ARHGEF7: variants seen among roughly 807,000 people sequenced by gnomAD.
ARHGEF7 encodes the protein PAK-interacting exchange factor beta.
ARHGEF7 carries 33 observed loss-of-function variants against 109.8 expected under a neutral mutation model. The observed-to-expected ratio is 0.30, with a 90% confidence interval of 0.23 to 0.40. ARHGEF7 has a LOEUF of 0.40. ARHGEF7 is among the 10% of genes least tolerant of loss of function. The probability of loss-of-function intolerance (pLI) is 1.00; values close to 1 mark genes in which losing one functional copy is unlikely to be tolerated. For missense variants in ARHGEF7, 938 were observed against 1,098.5 expected, an observed-to-expected ratio of 0.85 and a Z score of 2.07; for synonymous variants, 458 against 424.6, an observed-to-expected ratio of 1.08 and a Z score of -0.97.
intron 8 of ARHGEF7, among the ~76,000 whole-genome samples, chr13:111,245,132 C>T (rs2088575423): frequency 6.6e-6 from 1 of 152,156 alleles, no homozygotes; most frequent in Non-Finnish European, 1.5e-5. Flanking sequence ...CCAATGCCGG[C>T]TGCAGGCATT....
At chr13:111,231,772 C>T (rs887174050) in intron 5 of ARHGEF7, among the ~76,000 whole-genome samples, 6 of 152,144 alleles carry the variant, frequency 3.9e-5, no homozygotes, top group Non-Finnish European at 7.3e-5. Context: ...GCAGGTGCTG[C>T]TCACACACCA....
At chr13:111,234,032 C>T (rs2086454405) in intron 6 of ARHGEF7, among the ~76,000 whole-genome samples, 1 of 152,048 alleles carries the variant, frequency 6.6e-6, no homozygotes, top group Non-Finnish European at 1.5e-5. Context: ...AAAGTAAACC[C>T]TCTAAACATG....
intron 19 of ARHGEF7, chr13:111,292,528 A>T: frequency 7.1e-7 from 1 of 1,415,932 alleles, no homozygotes; most frequent in Non-Finnish European, 9.2e-7. Context: ...TATTGGAGGG[A>T]GGTGGTGTGT....
Position 111,205,382 on chromosome 13 carries a change from CT to C in ARHGEF7, c.337+15del. 6.4e-7 allele frequency: 1 copy of C among 1,573,114 alleles called. No homozygotes were observed. The highest frequency in any genetic ancestry group is 1.2e-5 in the South Asian group (1 of 84,372). On this transcript the variant is annotated intron_variant, in intron 3 of 21. Transcript: ENST00000646102. ...AAATAAAGTAACAGCAGGTAAGACT[CT>C]TTTTTATTGAACTCGAGGGGGTGGG...
At chr13:111,260,235 G>T (rs1463822211) in intron 8 of ARHGEF7, among the ~76,000 whole-genome samples, 1 of 152,146 alleles carries the variant, frequency 6.6e-6, no homozygotes, top group Non-Finnish European at 1.5e-5. Context: ...AGAGAGAAAG[G>T]TATCAATATT....
At chr13:111,187,756 C>G (rs1163147830) in intron 2 of ARHGEF7, among the ~76,000 whole-genome samples, 1 of 152,132 alleles carries the variant, frequency 6.6e-6, no homozygotes, top group Admixed American at 6.5e-5. Flanking sequence ...AGTAGGGGAG[C>G]CTTTCGAATC....
chr13:111,173,881 C>T (rs565175493), intron 2 of ARHGEF7, among the ~76,000 whole-genome samples: 2 of 152,244 alleles, frequency 1.3e-5, no homozygotes, highest in African/African-American at 4.8e-5. Flanking sequence ...TTTTATCAGG[C>T]TGCTTAACTG....
chr13:111,228,664 C>CT lies in ARHGEF7; in HGVS notation c.671-4540dup, dbSNP rs953441190. Reference sequence around the variant, plus strand: ...CCTTGAACAACTCGGAGGACGTCACCTGACAGGAGGGTGCATGTGGTTCAG... The same window carrying CT: ...CCTTGAACAACTCGGAGGACGTCACCTTGACAGGAGGGTGCATGTGGTTCAG... On this transcript the variant is annotated intron_variant, in intron 5 of 21. Coordinates refer to ENST00000646102, the MANE Select transcript of ARHGEF7 (RefSeq NM_001354046.2). This position sits in a 1 kb window ranked among gnomAD's most constrained non-coding sequence, Gnocchi z 4.6. Among the ~76,000 whole-genome samples the CT allele has an allele frequency of 6.6e-6, 1 of 152,128 alleles. No individual in the cohort carries two copies. Among genetic ancestry groups the CT allele is most frequent in the Non-Finnish European group, 1.5e-5 (1 of 68,040 alleles).
chr13:111,138,892 A>T (rs1361446617), intron 1 of ARHGEF7, among the ~76,000 whole-genome samples: 1 of 152,112 alleles, frequency 6.6e-6, no homozygotes, highest in African/African-American at 2.4e-5. Context: ...CCTTTTCTAG[A>T]TGGTTCATTC....
intron 1 of ARHGEF7, among the ~76,000 whole-genome samples, chr13:111,152,137 G>A (rs1354333669): frequency 2.6e-5 from 4 of 152,014 alleles, no homozygotes; most frequent in Admixed American, 6.6e-5. Flanking sequence ...GACTATATGA[G>A]GATACAACTT....
intron 5 of ARHGEF7, among the ~76,000 whole-genome samples, chr13:111,221,206 G>T (rs58473614): frequency 2.8e-3 from 144 of 50,884 alleles, no homozygotes; most frequent in African/African-American, 3.5e-3. Context: ...TATCTATATA[G>T]ATATATATGT....
chr13:111,293,735 G>A (rs2093357745), intron 19 of ARHGEF7: 1 of 985,402 alleles, frequency 1.0e-6, no homozygotes, highest in East Asian at 1.1e-4. Context: ...CTTCTTCAGG[G>A]TGGCTGTAAT....
rs151310551 is a variant in ARHGEF7 at position 111,161,385 on chromosome 13, A to G, written c.252+7394A>G. ...GGAGGGAATGTAGTGCCTGACCCCA[A>G]CCCCTTTCCTGGGTTGCTGTCCTGT... is the stretch of plus-strand genomic sequence containing the variant. On this transcript the variant is annotated intron_variant, in intron 2 of 21. Coordinates refer to ENST00000646102, the MANE Select transcript of ARHGEF7 (RefSeq NM_001354046.2). 3.0e-4 allele frequency among the ~76,000 whole-genome samples: 46 copies of G among 152,096 alleles called. 2 individuals carry two copies. In the East Asian group the frequency reaches 7.7e-3, roughly 26 times the overall value.
intron 2 of ARHGEF7, among the ~76,000 whole-genome samples, chr13:111,195,028 C>G (rs563911577): frequency 6.6e-6 from 1 of 152,264 alleles, no homozygotes; most frequent in South Asian, 2.1e-4. Context: ...TTTTTGTACC[C>G]CTAGAATTGG....
At chr13:111,200,450 T>A (rs1377077137) in intron 2 of ARHGEF7, among the ~76,000 whole-genome samples, 2 of 123,486 alleles carry the variant, frequency 1.6e-5, no homozygotes, top group Non-Finnish European at 3.7e-5. Flanking sequence ...CTCGAAATCA[T>A]GTCTTTTTTT....
At chr13:111,210,726 C>T (rs1269576947) in intron 4 of ARHGEF7, among the ~76,000 whole-genome samples, 3 of 152,166 alleles carry the variant, frequency 2.0e-5, no homozygotes, top group Admixed American at 6.5e-5. Context: ...CTGCAGCTGG[C>T]GGGCAGTGAC....
At chr13:111,175,797 G>C (rs974946518) in intron 2 of ARHGEF7, among the ~76,000 whole-genome samples, 6 of 152,178 alleles carry the variant, frequency 3.9e-5, no homozygotes, top group African/African-American at 7.2e-5. Context: ...TCTGAGACTG[G>C]GTAATTTATA....
In ARHGEF7 at chr13:111,141,243, C is replaced by T. The variant is rs571028575; in HGVS notation, c.166-12662C>T. Among the ~76,000 whole-genome samples, 3 of 152,222 alleles carry T rather than the reference C, an allele frequency of 2.0e-5. No individual in the cohort carries two copies. In the South Asian group the frequency reaches 6.2e-4, roughly 32 times the overall value. On this transcript the variant is annotated intron_variant, in intron 1 of 21. Transcript: ENST00000646102. The stretch of plus-strand genomic sequence containing the variant: ...TGACAAGTGTATAATGACATGTAGC[C>T]ACTGTATAATATCATGCAGAGTAGT...
intron 4 of ARHGEF7, among the ~76,000 whole-genome samples, chr13:111,214,853 A>C (rs559036113): frequency 7.1e-6 from 1 of 141,608 alleles, no homozygotes; most frequent in Admixed American, 7.5e-5. Context: ...ATCTGTAAAC[A>C]CATTTAAATA....
Sources: gnomAD v4.1 joint callset for allele counts (sites outside exome capture counted in the v4.1 genomes callset) on GRCh38, gnomAD v4.1.1 for gene constraint, Gnocchi (gnomAD v3.1) non-coding constraint, MANE v1.5 for transcripts, NCBI Gene and HGNC (gene_info 2026-07-23, HGNC 2026-07-21) for gene names.